The following TPD52L1 variants were observed in gnomAD, a reference collection of about 807,000 sequenced individuals.
TPD52L1 encodes tumor protein D53.
Under a neutral mutation model 28.7 loss-of-function variants are expected in TPD52L1, and 18 were observed. The ratio of observed to expected loss-of-function variants is 0.63; its 90% CI spans 0.43 to 0.93. The LOEUF (loss-of-function observed/expected upper bound fraction) is 0.93, where lower values mean the gene tolerates loss of function less well. TPD52L1 is among the 40% of genes least tolerant of loss of function. The pLI is 0.00. For synonymous variants in TPD52L1, 75 were observed against 88.8 expected, an observed-to-expected ratio of 0.84 and a Z score of 0.88; for missense variants, 203 against 254.8, an observed-to-expected ratio of 0.80 and a Z score of 1.39.
chr6:125,203,507 G>C (rs1390581010), intron 1 of TPD52L1: 4 of 398,008 alleles, frequency 1.0e-5, no homozygotes, highest in African/African-American at 8.7e-5. Context: ...TCTTATATTT[G>C]AAATGTAGGA....
intron 1 of TPD52L1, among the ~76,000 whole-genome samples, chr6:125,219,260 T>A (rs1180755337): frequency 6.6e-6 from 1 of 152,176 alleles, no homozygotes; most frequent in Non-Finnish European, 1.5e-5. Context: ...CCAGGGAACT[T>A]CTTTATATTT....
At chr6:125,220,013 G>T in intron 1 of TPD52L1, 65 bp from the exon 2 acceptor site, 1 of 1,162,000 alleles carries the variant, frequency 8.6e-7, no homozygotes, top group South Asian at 1.2e-5. Flanking sequence ...TCCACACTAT[G>T]GAAGCAGAAG....
rs139742832 is a variant in TPD52L1 at position 125,233,226 on chromosome 6, T to C, written c.284+3960T>C. 5.9e-5 allele frequency among the ~76,000 whole-genome samples: 9 copies of C among 152,328 alleles called. No individual in the cohort carries two copies. In the East Asian group the frequency reaches 1.7e-3, roughly 29 times the overall value. On this transcript the variant is annotated intron_variant, in intron 3 of 6. Coordinates refer to ENST00000534000, the MANE Select transcript of TPD52L1 (RefSeq NM_003287.4). ...CTATTCCATCTTTTTGAAAGCTTAA[T>C]AATTTTATCCTACATAAAGAGGACG...
At chr6:125,154,751 A>C (rs928030694) in intron 1 of TPD52L1, among the ~76,000 whole-genome samples, 11 of 152,266 alleles carry the variant, frequency 7.2e-5, no homozygotes, top group African/African-American at 2.4e-4. Flanking sequence ...GGAAAGGGGC[A>C]GAGGTGGGCG....
chr6:125,166,537 A>T (rs1790916555), intron 1 of TPD52L1, among the ~76,000 whole-genome samples: 1 of 152,124 alleles, frequency 6.6e-6, no homozygotes, highest in African/African-American at 2.4e-5. Context: ...GGGAAGAAAA[A>T]CTTTTTTTCT....
At chr6:125,177,643 CAT>C (rs1476307846) in intron 1 of TPD52L1, among the ~76,000 whole-genome samples, 2 of 152,104 alleles carry the variant, frequency 1.3e-5, no homozygotes, top group Non-Finnish European at 2.9e-5. Flanking sequence ...GTTATTCATC[CAT>C]ATGTCTTATT....
At position 125,264,285 on chromosome 6, in the gene TPD52L1, A is replaced by T. The variant is rs994326414; in HGVS notation, c.*1323A>T. 2 of 152,240 alleles carry T rather than the reference A, an allele frequency of 1.3e-5. No homozygotes were observed. The highest frequency in any genetic ancestry group is 2.4e-5 in the African/African-American group (1 of 41,468). 9.4% of individuals were successfully genotyped at this position (152,240 alleles called of 1,614,324 possible). On this transcript the variant is annotated 3_prime_UTR_variant, in exon 7 of 7. Coordinates refer to ENST00000534000, the MANE Select transcript of TPD52L1 (RefSeq NM_003287.4). ...TCCAACCTAAAAAAAATCACTATTTAAAAAGCCCATATAATATATACATAT... is the reference window on the plus strand; with the variant it reads ...TCCAACCTAAAAAAAATCACTATTTTAAAAGCCCATATAATATATACATAT...
chr6:125,157,405 A>G (rs1165830152), intron 1 of TPD52L1, among the ~76,000 whole-genome samples: 1 of 152,222 alleles, frequency 6.6e-6, no homozygotes, highest in Non-Finnish European at 1.5e-5. Context: ...TTCCAGCAAA[A>G]CAAGAGGACT....
chr6:125,220,796 A>G (rs1795183655), intron 2 of TPD52L1, among the ~76,000 whole-genome samples: 1 of 152,154 alleles, frequency 6.6e-6, no homozygotes, highest in Non-Finnish European at 1.5e-5. Context: ...TTATGAATAC[A>G]CATCTTTGTT....
chr6:125,185,524 G>A (rs1275120339), intron 1 of TPD52L1, among the ~76,000 whole-genome samples: 1 of 151,786 alleles, frequency 6.6e-6, no homozygotes, highest in Non-Finnish European at 1.5e-5. Context: ...AAACACACTT[G>A]GGACAAAGAT....
intron 1 of TPD52L1, among the ~76,000 whole-genome samples, chr6:125,209,176 A>G (rs1278152399): frequency 6.6e-6 from 1 of 152,222 alleles, no homozygotes; most frequent in Non-Finnish European, 1.5e-5. Flanking sequence ...ATCTATGGCC[A>G]CATGACCCAA....
intron 4 of TPD52L1, among the ~76,000 whole-genome samples, chr6:125,250,868 T>C (rs1797224386): frequency 6.6e-6 from 1 of 152,202 alleles, no homozygotes; most frequent in East Asian, 1.9e-4. Flanking sequence ...GCTAAAAATA[T>C]TGGAAAATAC....
intron 3 of TPD52L1, among the ~76,000 whole-genome samples, chr6:125,239,675 T>G (rs1338749195): frequency 6.6e-6 from 1 of 152,112 alleles, no homozygotes; most frequent in Non-Finnish European, 1.5e-5. Context: ...CACTTTTTGA[T>G]GGGGTTGTTT....
intron 1 of TPD52L1, among the ~76,000 whole-genome samples, chr6:125,172,541 T>TATAATATATATATATATA: frequency 1.1e-5 from 1 of 95,134 alleles, no homozygotes; most frequent in African/African-American, 4.8e-5. Context: ...TATATATATA[T>TATAATATATATATATATA]ATATATATAT....
intron 6 of TPD52L1, chr6:125,260,927 A>T (rs551428607): frequency 5.9e-5 from 1 of 17,062 alleles, no homozygotes; most frequent in African/African-American, 1.0e-3. Flanking sequence ...GAAAGAAGAA[A>T]GAAAGAAAGA....
intron 1 of TPD52L1, among the ~76,000 whole-genome samples, chr6:125,201,217 G>A (rs572591906): frequency 5.3e-5 from 8 of 152,216 alleles, no homozygotes; most frequent in South Asian, 4.2e-4. Flanking sequence ...TGTAGAGAAC[G>A]AGAAAAATAA....
At chr6:125,215,781 G>T (rs942444407) in intron 1 of TPD52L1, among the ~76,000 whole-genome samples, 4 of 140,306 alleles carry the variant, frequency 2.9e-5, no homozygotes, top group African/African-American at 9.8e-5. Context: ...CAGTTAAACA[G>T]GGTTTTGAAC....
intron 4 of TPD52L1, among the ~76,000 whole-genome samples, chr6:125,250,517 T>C (rs1045578250): frequency 6.6e-6 from 1 of 152,202 alleles, no homozygotes; most frequent in African/African-American, 2.4e-5. Flanking sequence ...CTCAAAAAAT[T>C]GCAGTTTTTT....
chr6:125,240,064 G>A (rs1422511091), intron 3 of TPD52L1, among the ~76,000 whole-genome samples: 1 of 152,022 alleles, frequency 6.6e-6, no homozygotes, highest in Non-Finnish European at 1.5e-5. Context: ...TTATCCCAGT[G>A]CCATTTGTTG....
Sources: gnomAD v4.1 joint callset for allele counts (sites outside exome capture counted in the v4.1 genomes callset) on GRCh38, gnomAD v4.1.1 for gene constraint, MANE v1.5 for transcripts, NCBI Gene and HGNC (gene_info 2026-07-23, HGNC 2026-07-21) for gene names.